Variants in SLC8A1 observed in about 807,000 individuals in gnomAD.
SLC8A1 encodes the protein solute carrier family 8 member A1.
Under a neutral mutation model 68.3 loss-of-function variants are expected in SLC8A1, and 18 were observed. The observed-to-expected ratio is 0.26, with a 90% CI of 0.18 to 0.39. The LOEUF (loss-of-function observed/expected upper bound fraction) is 0.39, where lower values mean the gene tolerates loss of function less well. Among genes scored for constraint, SLC8A1 ranks in the 10% least tolerant of loss-of-function variants. The pLI is 1.00. For missense variants in SLC8A1, 985 were observed against 1,156.7 expected (o/e 0.85, Z 2.15); for synonymous variants, 475 against 415.5 (o/e 1.14, Z -1.74).
chr2:40,234,668 G>A (rs897054719), intron 2 of SLC8A1, among the ~76,000 whole-genome samples: 1 of 152,160 alleles, frequency 6.6e-6, no homozygotes, highest in Non-Finnish European at 1.5e-5. Context: ...GGGCATCCCT[G>A]TCTTGTGCCA....
chr2:40,180,095 A>G (rs1024631046), intron 2 of SLC8A1, among the ~76,000 whole-genome samples: 9 of 152,272 alleles, frequency 5.9e-5, no homozygotes, highest in African/African-American at 2.2e-4. Flanking sequence ...AACAGCTATA[A>G]GTGACTAAAG....
At chr2:40,287,481 A>G (rs2068505780) in intron 2 of SLC8A1, among the ~76,000 whole-genome samples, 1 of 152,042 alleles carries the variant, frequency 6.6e-6, no homozygotes, top group Non-Finnish European at 1.5e-5. Context: ...CTATTGTTCC[A>G]ATAAGAATAA....
At chr2:40,133,718 C>T (rs1480135728) in intron 7 of SLC8A1, among the ~76,000 whole-genome samples, 6 of 140,146 alleles carry the variant, frequency 4.3e-5, no homozygotes, top group Non-Finnish European at 9.3e-5. Flanking sequence ...CCCCCACCGA[C>T]TCATCAGTAT....
At chr2:40,467,114 TCC>T (rs1050237796) in intron 1 of SLC8A1, among the ~76,000 whole-genome samples, 20 of 152,146 alleles carry the variant, frequency 1.3e-4, no homozygotes, top group Non-Finnish European at 2.8e-4. Context: ...CCAGAGAGGA[TCC>T]CCAAGGCTGG....
chr2:40,148,275 G>A (rs188949085), intron 6 of SLC8A1, among the ~76,000 whole-genome samples: 32 of 152,102 alleles, frequency 2.1e-4, no homozygotes, highest in African/African-American at 7.2e-4. Flanking sequence ...TCCTCTATTC[G>A]TGATTTATTT....
At chr2:40,135,649 C>T (rs1313465682) in intron 7 of SLC8A1, among the ~76,000 whole-genome samples, 3 of 152,056 alleles carry the variant, frequency 2.0e-5, no homozygotes, top group African/African-American at 7.2e-5. Context: ...ACCCGAGAGG[C>T]GGAGGTTGCA....
At chr2:40,198,973 T>A (rs1370118029) in intron 2 of SLC8A1, among the ~76,000 whole-genome samples, 1 of 151,458 alleles carries the variant, frequency 6.6e-6, no homozygotes, top group Non-Finnish European at 1.5e-5. Context: ...GGATTTGCTC[T>A]AGGGACCATA....
At chr2:40,421,417 T>C (rs1254296189) in intron 2 of SLC8A1, among the ~76,000 whole-genome samples, 4 of 152,170 alleles carry the variant, frequency 2.6e-5, no homozygotes, top group Non-Finnish European at 1.5e-5. Flanking sequence ...GGAAAAATGG[T>C]GTGGCCTTGG....
chr2:40,361,389 G>T (rs1356440588), intron 2 of SLC8A1, among the ~76,000 whole-genome samples: 1 of 151,892 alleles, frequency 6.6e-6, no homozygotes, highest in African/African-American at 2.4e-5. Flanking sequence ...GGCACATGTG[G>T]GTCTATATAT....
intron 2 of SLC8A1, among the ~76,000 whole-genome samples, chr2:40,381,596 A>T (rs59375765): frequency 6.6e-6 from 1 of 151,928 alleles, no homozygotes; most frequent in Admixed American, 6.6e-5. Flanking sequence ...AACTTCCTTC[A>T]TGATCTCTGA....
intron 2 of SLC8A1, among the ~76,000 whole-genome samples, chr2:40,334,001 T>C (rs6743926): frequency 0.065 from 9,850 of 152,238 alleles, 516 homozygotes; most frequent in African/African-American, 0.14. Flanking sequence ...TGAGCCGAGA[T>C]GGCACCATTG....
intron 2 of SLC8A1, among the ~76,000 whole-genome samples, chr2:40,273,666 G>A (rs148247996): frequency 6.6e-6 from 1 of 152,212 alleles, no homozygotes; most frequent in Non-Finnish European, 1.5e-5. Flanking sequence ...TTTTAAAAGT[G>A]TGGCCCATTA....
chr2:40,252,910 T>G (rs960876754), intron 2 of SLC8A1, among the ~76,000 whole-genome samples: 19 of 139,894 alleles, frequency 1.4e-4, no homozygotes, highest in Admixed American at 4.2e-4. Context: ...TGTATGTATA[T>G]GTGTATATAT....
At chr2:40,114,243 C>G (rs906030374) in exon 8 of SLC8A1, 1 of 152,904 alleles carries the variant, frequency 6.5e-6, no homozygotes, top group East Asian at 1.9e-4. Flanking sequence ...ATGACTGGAA[C>G]AGGATTGTGC....
At chr2:40,189,380 G>C (rs991315681) in intron 2 of SLC8A1, among the ~76,000 whole-genome samples, 32 of 152,208 alleles carry the variant, frequency 2.1e-4, no homozygotes, top group Non-Finnish European at 3.8e-4. Flanking sequence ...TAGTGCAGTG[G>C]TGCAATCTCG....
chr2:40,324,054 G>A (rs957407962), intron 2 of SLC8A1, among the ~76,000 whole-genome samples: 2 of 151,726 alleles, frequency 1.3e-5, no homozygotes, highest in Admixed American at 1.3e-4. Flanking sequence ...AACAATTACA[G>A]TATGTGTAAA....
In SLC8A1 at chr2:40,313,574, A is replaced by AT. The variant is rs200941130; in HGVS notation, c.1808+114898dup. ...TATTTATAAATATTTGGTGTGGTCA[A>AT]TTTTTTTTTAATGAGACAGGTTCTT... is the stretch of plus-strand genomic sequence containing the variant. On this transcript the variant is annotated intron_variant, in intron 2 of 7. Transcript: ENST00000406785. 3.2e-3 allele frequency among the ~76,000 whole-genome samples: 486 copies of AT among 150,920 alleles called. 1 individual carries two copies. The highest frequency in any genetic ancestry group is 0.011 in the African/African-American group (452 of 41,200).
At chr2:40,239,077 G>A (rs990734274) in intron 2 of SLC8A1, among the ~76,000 whole-genome samples, 2 of 151,866 alleles carry the variant, frequency 1.3e-5, no homozygotes, top group Non-Finnish European at 2.9e-5. Context: ...TTTTATGGAG[G>A]CTTCTAAATT....
chr2:40,388,675 A>G (rs1684360371), intron 2 of SLC8A1, among the ~76,000 whole-genome samples: 1 of 152,246 alleles, frequency 6.6e-6, no homozygotes, highest in South Asian at 2.1e-4. Flanking sequence ...TTCCTCTTTT[A>G]TTCAGAAGCT....
Sources: gnomAD v4.1 joint callset for allele counts (sites outside exome capture counted in the v4.1 genomes callset) on GRCh38, gnomAD v4.1.1 for gene constraint, MANE v1.5 for transcripts, NCBI Gene and HGNC (gene_info 2026-07-23, HGNC 2026-07-21) for gene names.